The following MAP2 variants were observed in gnomAD, a reference collection of about 807,000 sequenced individuals.
MAP2 encodes the protein microtubule associated protein 2, also known as microtubule-associated protein 2.
In MAP2, 14 loss-of-function variants were observed where a neutral mutation model predicts 137.6. The ratio of observed to expected loss-of-function variants is 0.10; its 90% CI spans 0.07 to 0.16. The LOEUF is 0.16. Ranked by LOEUF, MAP2 falls within the 10% of genes least tolerant of loss-of-function variation. The pLI, the probability that MAP2 is intolerant of heterozygous loss-of-function variation, is 1.00. For synonymous variants in MAP2, 786 were observed against 782.3 expected, an observed-to-expected ratio of 1.00 and a Z score of -0.08; for missense variants, 2,088 against 2,191.5, an observed-to-expected ratio of 0.95 and a Z score of 0.94.
intron 3 of MAP2, among the ~76,000 whole-genome samples, chr2:209,582,235 A>T (rs913968292): frequency 6.7e-6 from 1 of 149,024 alleles, no homozygotes; most frequent in East Asian, 1.9e-4. Context: ...ACATCTGGTC[A>T]TTTTTTTTTT....
chr2:209,602,102 G>T (rs2083186388), intron 3 of MAP2, among the ~76,000 whole-genome samples: 1 of 152,004 alleles, frequency 6.6e-6, no homozygotes. Flanking sequence ...GTCACCTTTT[G>T]AATTTTATCT....
chr2:209,602,476 G>C (rs939705799), intron 3 of MAP2, among the ~76,000 whole-genome samples: 1 of 152,120 alleles, frequency 6.6e-6, no homozygotes, highest in African/African-American at 2.4e-5. Context: ...CTGTCAGAAG[G>C]ATTGAGCCTT....
At position 209,637,542 on chromosome 2, in the gene MAP2, A is replaced by G. The variant is rs141438337; in HGVS notation, c.-30+12413A>G. The stretch of plus-strand genomic sequence containing the variant: ...AGATGAGATAAGATAAGATGAGGTG[A>G]CATAAGATAAGATAGGAAAAGAAAA... On this transcript the variant is annotated intron_variant, in intron 4 of 15. Transcript: ENST00000682079. Among the ~76,000 whole-genome samples, 551 of 152,192 alleles carry G rather than the reference A, an allele frequency of 3.6e-3. 3 individuals carry two copies. The highest frequency in any genetic ancestry group is 0.02 in the Middle Eastern group (6 of 294).
chr2:209,480,825 A>G (rs1031062911), intron 1 of MAP2, among the ~76,000 whole-genome samples: 1 of 152,102 alleles, frequency 6.6e-6, no homozygotes. Flanking sequence ...TACCATTGTA[A>G]TCATTAGCTT....
intron 13 of MAP2, chr2:209,723,485 G>A: frequency 1.5e-6 from 1 of 684,278 alleles, no homozygotes; most frequent in Non-Finnish European, 2.7e-6. Context: ...TTAAATAAAT[G>A]TGTAGGTGGA....
At chr2:209,498,138 T>C (rs567074927) in intron 1 of MAP2, among the ~76,000 whole-genome samples, 1 of 152,178 alleles carries the variant, frequency 6.6e-6, no homozygotes, top group Non-Finnish European at 1.5e-5. Flanking sequence ...GGGTAAACAT[T>C]GATATTCCAA....
intron 2 of MAP2, among the ~76,000 whole-genome samples, chr2:209,562,964 C>T (rs1384080293): frequency 6.6e-6 from 1 of 152,182 alleles, no homozygotes; most frequent in Admixed American, 6.6e-5. Context: ...ATTACCAGAA[C>T]TGTTTTTGGA....
chr2:209,445,537 C>T (rs544689918), intron 1 of MAP2, among the ~76,000 whole-genome samples: 126 of 151,528 alleles, frequency 8.3e-4, no homozygotes, highest in Non-Finnish European at 1.3e-3. Flanking sequence ...AGTTGGTGCT[C>T]TTGTTTCTTA....
chr2:209,566,341 C>A (rs534833496), intron 2 of MAP2, among the ~76,000 whole-genome samples: 2 of 152,112 alleles, frequency 1.3e-5, no homozygotes, highest in African/African-American at 4.8e-5. Context: ...TTGGAAGGCA[C>A]GTGAAACTAA....
intron 1 of MAP2, among the ~76,000 whole-genome samples, chr2:209,477,420 A>G (rs762111799): frequency 2.0e-5 from 3 of 152,206 alleles, no homozygotes; most frequent in African/African-American, 4.8e-5. Flanking sequence ...AATAATGACA[A>G]TAAAGAATAC....
chr2:209,426,014 C>T (rs1692473606), intron 1 of MAP2, among the ~76,000 whole-genome samples: 1 of 152,086 alleles, frequency 6.6e-6, no homozygotes, highest in Non-Finnish European at 1.5e-5. Flanking sequence ...GCATTTTTCT[C>T]ATTCAGTAAG....
chr2:209,437,792 A>T (rs904158859), intron 1 of MAP2, among the ~76,000 whole-genome samples: 1 of 151,716 alleles, frequency 6.6e-6, no homozygotes, highest in Non-Finnish European at 1.5e-5. Flanking sequence ...ACAAAAATAC[A>T]TAAGTTAGAA....
At chr2:209,710,662 A>G (rs1222229108) in intron 13 of MAP2, 1 of 163,040 alleles carries the variant, frequency 6.1e-6, no homozygotes, top group Non-Finnish European at 1.3e-5. Context: ...TTCTTCCCCA[A>G]GGATTTCCTA....
chr2:209,705,782 G>A (rs1232805070), intron 12 of MAP2, 55 bp downstream of exon 12: 3 of 1,342,068 alleles, frequency 2.2e-6, no homozygotes, highest in Admixed American at 2.1e-5. Flanking sequence ...TCCTTTAAGT[G>A]GAATAGCACT....
intron 1 of MAP2, among the ~76,000 whole-genome samples, chr2:209,434,814 C>CCTCT (rs58596249): frequency 0.12 from 11,899 of 102,948 alleles, 1,091 homozygotes; most frequent in Middle Eastern, 0.18. Context: ...AGAGCCAGAT[C>CCTCT]CTCTCTCTCT....
chr2:209,445,793 C>A (rs1698907642), intron 1 of MAP2, among the ~76,000 whole-genome samples: 1 of 151,620 alleles, frequency 6.6e-6, no homozygotes, highest in African/African-American at 2.4e-5. Context: ...AGGTATTAGG[C>A]AGCATGTTTT....
intron 1 of MAP2, among the ~76,000 whole-genome samples, chr2:209,470,274 C>T (rs1016677327): frequency 2.0e-5 from 3 of 152,042 alleles, no homozygotes; most frequent in Non-Finnish European, 4.4e-5. Flanking sequence ...ATGCACAGTG[C>T]CCCTTGGCAC....
intron 7 of MAP2, among the ~76,000 whole-genome samples, chr2:209,685,529 T>C (rs2056695493): frequency 6.6e-6 from 1 of 152,130 alleles, no homozygotes; most frequent in Admixed American, 6.5e-5. Context: ...TTTAGGCTGA[T>C]AGGTCTTAAA....
chr2:209,448,929 C>T (rs572657908), intron 1 of MAP2, among the ~76,000 whole-genome samples: 1 of 152,272 alleles, frequency 6.6e-6, no homozygotes, highest in African/African-American at 2.4e-5. Context: ...TGGTAGCCAC[C>T]TGCATACTTA....
Sources: allele counts gnomAD v4.1 joint callset (sites outside exome capture counted in the v4.1 genomes callset), GRCh38; gene constraint gnomAD v4.1.1; transcripts MANE v1.5; gene names NCBI Gene and HGNC (gene_info 2026-07-23, HGNC 2026-07-21).